The following LEPR variants were observed in gnomAD, a reference collection of about 807,000 sequenced individuals.
LEPR encodes OB receptor.
A neutral mutation model predicts 114.7 loss-of-function variants in LEPR; 56 were observed. The observed-to-expected ratio is 0.49, with a 90% confidence interval of 0.39 to 0.61. The LOEUF is 0.61. LEPR is among the 20% of genes least tolerant of loss of function. The pLI, the probability that LEPR is intolerant of heterozygous loss-of-function variation, is 0.00. For synonymous variants in LEPR, 443 were observed against 461.4 expected, an observed-to-expected ratio of 0.96 and a Z score of 0.51; for missense variants, 1,202 against 1,352.9, an observed-to-expected ratio of 0.89 and a Z score of 1.75.
chr1:65,448,787 G>T (rs1570466867), intron 2 of LEPR, among the ~76,000 whole-genome samples: 1 of 152,124 alleles, frequency 6.6e-6, no homozygotes, highest in African/African-American at 2.4e-5. Flanking sequence ...TTTCATCTAG[G>T]TTATCAAATT....
Position 65,637,070 on chromosome 1 carries a change from A to G in LEPR, c.*55A>G, listed in dbSNP as rs1658742064. 6.4e-7 allele frequency: 1 copy of G among 1,553,734 alleles called. No individual in the cohort carries two copies. Among genetic ancestry groups the G allele is most frequent in the Admixed American group, 1.8e-5 (1 of 56,766 alleles). On this transcript the variant is annotated 3_prime_UTR_variant, in exon 20 of 20. Transcript: ENST00000349533. ...TATAATGGGTAATATAAAGTGTAAT[A>G]GATTATAGTTGTGGGTGGGAGAGAG...
intron 11 of LEPR, among the ~76,000 whole-genome samples, chr1:65,606,298 A>C (rs1443408428): frequency 6.6e-6 from 1 of 152,132 alleles, no homozygotes; most frequent in East Asian, 1.9e-4. Context: ...ACTCCCCCAA[A>C]CATGCACAGA....
intron 19 of LEPR, among the ~76,000 whole-genome samples, chr1:65,627,136 T>A (rs1244928135): frequency 2.0e-5 from 3 of 152,178 alleles, no homozygotes; most frequent in South Asian, 2.1e-4. Flanking sequence ...ACCCAGCCTG[T>A]CCATGTAACA....
intron 11 of LEPR, among the ~76,000 whole-genome samples, chr1:65,608,270 G>T (rs1296319824): frequency 2.8e-5 from 4 of 145,288 alleles, no homozygotes; most frequent in African/African-American, 1.0e-4. Context: ...TGGCTCTGTC[G>T]CCCAGGCTGG....
At chr1:65,488,687 C>T (rs1647707582) in intron 2 of LEPR, among the ~76,000 whole-genome samples, 1 of 151,900 alleles carries the variant, frequency 6.6e-6, no homozygotes, top group Non-Finnish European at 1.5e-5. Context: ...GTTGTGCTAC[C>T]AAATACTAGA....
chr1:65,474,652 C>A (rs1647132810), intron 2 of LEPR, among the ~76,000 whole-genome samples: 1 of 152,102 alleles, frequency 6.6e-6, no homozygotes, highest in African/African-American at 2.4e-5. Flanking sequence ...TTTCATTTCC[C>A]AGTCCACAGC....
At chr1:65,485,250 A>G (rs770941182) in intron 2 of LEPR, among the ~76,000 whole-genome samples, 7 of 152,214 alleles carry the variant, frequency 4.6e-5, no homozygotes, top group Non-Finnish European at 7.3e-5. Context: ...AAAGCAGTCA[A>G]CACACGTTCA....
At chr1:65,438,074 A>G (rs556616193) in intron 2 of LEPR, among the ~76,000 whole-genome samples, 36 of 140,282 alleles carry the variant, frequency 2.6e-4, no homozygotes, top group African/African-American at 4.9e-4. Context: ...GCCTCCCAAA[A>G]TGCTGGGATT....
At chr1:65,510,948 TG>T (rs1013862608) in intron 2 of LEPR, among the ~76,000 whole-genome samples, 3 of 152,104 alleles carry the variant, frequency 2.0e-5, no homozygotes, top group Admixed American at 6.6e-5. Flanking sequence ...CTGAACCCTC[TG>T]GGGGAGGAGC....
intron 2 of LEPR, among the ~76,000 whole-genome samples, chr1:65,548,637 C>G (rs925334228): frequency 6.6e-6 from 1 of 152,058 alleles, no homozygotes; most frequent in African/African-American, 2.4e-5. Context: ...CAACCCCGGT[C>G]TTTTTTTGTT....
intron 2 of LEPR, among the ~76,000 whole-genome samples, chr1:65,468,812 C>T (rs1346598494): frequency 6.6e-6 from 1 of 152,190 alleles, no homozygotes; most frequent in Non-Finnish European, 1.5e-5. Flanking sequence ...CCCATAGCAT[C>T]CAGCTAGGAA....
intron 2 of LEPR, among the ~76,000 whole-genome samples, chr1:65,506,200 G>A (rs1648718965): frequency 6.6e-6 from 1 of 152,144 alleles, no homozygotes; most frequent in Non-Finnish European, 1.5e-5. Flanking sequence ...GATGAAAGTT[G>A]CCAATGGCTG....
intron 14 of LEPR, among the ~76,000 whole-genome samples, chr1:65,612,075 A>C (rs747141964): frequency 6.6e-6 from 1 of 152,220 alleles, no homozygotes; most frequent in African/African-American, 2.4e-5. Context: ...AACTGAGATA[A>C]TAGTTCAATG....
At chr1:65,466,393 C>T (rs144065815) in intron 2 of LEPR, among the ~76,000 whole-genome samples, 8,060 of 152,222 alleles carry the variant, frequency 0.053, 706 homozygotes, top group African/African-American at 0.18. Context: ...CCGAGAGATC[C>T]GCTGTTAGTC....
At chr1:65,477,865 T>C (rs1171665962) in intron 2 of LEPR, among the ~76,000 whole-genome samples, 1 of 152,248 alleles carries the variant, frequency 6.6e-6, no homozygotes, top group African/African-American at 2.4e-5. Flanking sequence ...AGTACTGCTT[T>C]CAGTGCTATT....
chr1:65,469,027 AAAATTCTGCTTTTT>A (rs1396261711), intron 2 of LEPR, among the ~76,000 whole-genome samples: 1 of 152,196 alleles, frequency 6.6e-6, no homozygotes, highest in Non-Finnish European at 1.5e-5. Flanking sequence ...TTGAATGTGG[AAAATTCTGCTTTTT>A]AAATGTTGGC....
intron 2 of LEPR, among the ~76,000 whole-genome samples, chr1:65,448,206 T>C (rs1283044042): frequency 6.6e-6 from 1 of 152,190 alleles, no homozygotes; most frequent in African/African-American, 2.4e-5. Flanking sequence ...CCATTCCTAG[T>C]TTACTGACAG....
intron 2 of LEPR, among the ~76,000 whole-genome samples, chr1:65,507,284 C>G (rs1373785447): frequency 6.6e-6 from 1 of 152,000 alleles, no homozygotes; most frequent in African/African-American, 2.4e-5. Flanking sequence ...CTGCTGAAGT[C>G]AAGTGATCTG....
At chr1:65,422,290 G>A (rs139365231) in intron 1 of LEPR, among the ~76,000 whole-genome samples, 27 of 152,308 alleles carry the variant, frequency 1.8e-4, no homozygotes, top group Non-Finnish European at 3.7e-4. Context: ...GACGGAGACA[G>A]AAATTGGAGT....
Sources: allele counts gnomAD v4.1 joint callset (sites outside exome capture counted in the v4.1 genomes callset), GRCh38; gene constraint gnomAD v4.1.1; transcripts MANE v1.5; gene names NCBI Gene and HGNC (gene_info 2026-07-23, HGNC 2026-07-21).